The following NAALADL2 variants were observed in gnomAD, a reference collection of about 807,000 sequenced individuals.
NAALADL2 encodes N-acetylated alpha-linked acidic dipeptidase like 2.
NAALADL2 carries 76 observed loss-of-function variants against 87.2 expected under a neutral mutation model. The observed-to-expected ratio is 0.87, with a 90% CI of 0.72 to 1.05. The LOEUF is 1.05. NAALADL2 is among the 50% of genes least tolerant of loss of function. The pLI, the probability that NAALADL2 is intolerant of heterozygous loss-of-function variation, is 0.00. For synonymous variants in NAALADL2, 354 were observed against 331.0 expected, an observed-to-expected ratio of 1.07 and a Z score of -0.75; for missense variants, 1,089 against 945.8, an observed-to-expected ratio of 1.15 and a Z score of -1.99.
chr3:175,264,819 T>G (rs553578824), intron 4 of NAALADL2, among the ~76,000 whole-genome samples: 79 of 151,696 alleles, frequency 5.2e-4, no homozygotes, highest in African/African-American at 1.9e-3. Flanking sequence ...ACAATATTTT[T>G]AAAAATTAGA....
At chr3:175,438,482 C>A (rs1719127998) in intron 5 of NAALADL2, among the ~76,000 whole-genome samples, 1 of 151,998 alleles carries the variant, frequency 6.6e-6, no homozygotes, top group African/African-American at 2.4e-5. Context: ...ATAAAATATT[C>A]CAGGATAACA....
At chr3:174,690,999 T>A (rs781552075) in intron 2 of NAALADL2, among the ~76,000 whole-genome samples, 30 of 152,316 alleles carry the variant, frequency 2.0e-4, no homozygotes, top group Non-Finnish European at 4.0e-4. Flanking sequence ...TACTTTCCTT[T>A]CCATGAATTT....
rs550215463 is a variant in NAALADL2, at chr3:174,808,296, C to T, written c.-9+70550C>T. 2.0e-5 allele frequency among the ~76,000 whole-genome samples: 3 copies of T among 152,118 alleles called. No homozygotes were observed. In the South Asian group the frequency reaches 6.2e-4, roughly 32 times the overall value. On this transcript the variant is annotated intron_variant, in intron 3 of 3. Transcript: ENST00000434257. ...ATATTTAAACAAGGCCTCCCTATAT[C>T]CAATTAAACACTTCTGCACAAAATG...
chr3:175,608,173 A>T (rs1482731662), intron 10 of NAALADL2, among the ~76,000 whole-genome samples: 1 of 150,016 alleles, frequency 6.7e-6, no homozygotes, highest in Non-Finnish European at 1.5e-5. Flanking sequence ...ATTAATAATG[A>T]CATCTGTGGG....
At chr3:175,023,987 G>T (rs1395238689) in intron 1 of NAALADL2, among the ~76,000 whole-genome samples, 2 of 151,758 alleles carry the variant, frequency 1.3e-5, no homozygotes, top group East Asian at 3.9e-4. Flanking sequence ...GGATAGCAGT[G>T]GAAAAATTCT....
intron 5 of NAALADL2, among the ~76,000 whole-genome samples, chr3:175,331,127 C>G (rs569518968): frequency 3.9e-5 from 6 of 152,076 alleles, no homozygotes; most frequent in African/African-American, 1.2e-4. Flanking sequence ...ATACCAATAA[C>G]AAGTAATAAA....
chr3:175,611,562 G>A (rs1724655424), intron 10 of NAALADL2, among the ~76,000 whole-genome samples: 1 of 152,026 alleles, frequency 6.6e-6, no homozygotes, highest in Non-Finnish European at 1.5e-5. Flanking sequence ...AATCAGAAGT[G>A]ATCCATTGTT....
chr3:174,499,674 G>A (rs1018940716), intron 1 of NAALADL2, among the ~76,000 whole-genome samples: 15 of 152,014 alleles, frequency 9.9e-5, no homozygotes, highest in African/African-American at 3.1e-4. Context: ...TTATTGAAAA[G>A]ACTATACATT....
At chr3:174,923,937 T>C (rs999464126) in intron 1 of NAALADL2, among the ~76,000 whole-genome samples, 1 of 152,142 alleles carries the variant, frequency 6.6e-6, no homozygotes, top group African/African-American at 2.4e-5. Flanking sequence ...GAACACATGC[T>C]GTAATGGCAT....
chr3:175,488,676 T>C (rs1727644925), intron 9 of NAALADL2, among the ~76,000 whole-genome samples: 1 of 152,232 alleles, frequency 6.6e-6, no homozygotes, highest in Admixed American at 6.5e-5. Flanking sequence ...CCTTTGAGAT[T>C]GTGCTAAGGC....
chr3:174,964,036 A>G (rs1742521521), intron 1 of NAALADL2, among the ~76,000 whole-genome samples: 2 of 26,936 alleles, frequency 7.4e-5, no homozygotes, highest in East Asian at 5.2e-4. Flanking sequence ...ATCTTTTGGG[A>G]AAAAAAACTA....
chr3:174,553,541 G>A (rs954490593), intron 2 of NAALADL2, among the ~76,000 whole-genome samples: 2 of 152,106 alleles, frequency 1.3e-5, no homozygotes, highest in Non-Finnish European at 2.9e-5. Context: ...ATGCATGTGC[G>A]TTCATTAAAT....
chr3:175,385,827 T>C (rs979887356), intron 5 of NAALADL2, among the ~76,000 whole-genome samples: 1 of 152,034 alleles, frequency 6.6e-6, no homozygotes, highest in African/African-American at 2.4e-5. Context: ...TATATAAAGT[T>C]ATTACATGCA....
rs748003331 is a variant in NAALADL2 at position 175,007,965 on chromosome 3, G to A, written c.44-88825G>A. ...AGAGGGCTTCTAAGTAACTAGCGACGGGGTAGCATATACAATGTAGATACA... is the reference window on the plus strand; with the variant it reads ...AGAGGGCTTCTAAGTAACTAGCGACAGGGTAGCATATACAATGTAGATACA... On this transcript the variant is annotated intron_variant, in intron 1 of 13. Transcript: ENST00000454872. Among the ~76,000 whole-genome samples, 7 of 152,092 alleles carry A rather than the reference G, an allele frequency of 4.6e-5. No individual in the cohort carries two copies. In the South Asian group the frequency reaches 6.2e-4, roughly 14 times the overall value.
At chr3:175,467,422 G>A (rs1013156579) in intron 8 of NAALADL2, among the ~76,000 whole-genome samples, 6 of 152,084 alleles carry the variant, frequency 3.9e-5, no homozygotes, top group African/African-American at 1.4e-4. Context: ...CCCTGATACA[G>A]TCTAACACAC....
At chr3:174,952,736 T>A (rs1331292700) in intron 1 of NAALADL2, among the ~76,000 whole-genome samples, 1 of 152,142 alleles carries the variant, frequency 6.6e-6, no homozygotes, top group Non-Finnish European at 1.5e-5. Context: ...TTAAAAGTGA[T>A]AACAGTCTGT....
chr3:175,748,091 T>G (rs1583098571), intron 12 of NAALADL2, among the ~76,000 whole-genome samples: 1 of 152,280 alleles, frequency 6.6e-6, no homozygotes, highest in South Asian at 2.1e-4. Flanking sequence ...TTTCATTCAG[T>G]TTAGCTATAA....
At chr3:174,974,323 C>A in intron 1 of NAALADL2, among the ~76,000 whole-genome samples, 1 of 152,244 alleles carries the variant, frequency 6.6e-6, no homozygotes, top group Non-Finnish European at 1.5e-5. Flanking sequence ...GAGACTTATA[C>A]AATTTTCTTT....
intron 2 of NAALADL2, among the ~76,000 whole-genome samples, chr3:175,195,959 A>G (rs756952270): frequency 1.3e-5 from 2 of 151,854 alleles, no homozygotes; most frequent in African/African-American, 2.4e-5. Context: ...CTGAATAAAG[A>G]GCTTATATTT....
Sources: allele counts gnomAD v4.1 joint callset (sites outside exome capture counted in the v4.1 genomes callset), GRCh38; gene constraint gnomAD v4.1.1; transcripts MANE v1.5; gene names NCBI Gene and HGNC (gene_info 2026-07-23, HGNC 2026-07-21).